The following HRH2 variants were observed in gnomAD, a reference collection of about 807,000 sequenced individuals.
The protein encoded by HRH2 is histamine H2 receptor.
In HRH2, 4 loss-of-function variants were observed where a neutral mutation model predicts 20.1. That is an observed-to-expected ratio of 0.20 (90% confidence interval 0.10 to 0.45). The LOEUF (loss-of-function observed/expected upper bound fraction) is 0.45, where lower values mean the gene tolerates loss of function less well. Ranked by LOEUF, HRH2 falls within the 20% of genes least tolerant of loss-of-function variation. HRH2 has a pLI of 0.99. For missense variants in HRH2, 250 were observed against 461.6 expected, an observed-to-expected ratio of 0.54 and a Z score of 4.20; for synonymous variants, 197 against 200.7, an observed-to-expected ratio of 0.98 and a Z score of 0.16.
At position 175,699,572 on chromosome 5, in the gene HRH2, T is replaced by TTTTTGTTTTG. The variant is rs1554112742; in HGVS notation, c.1077-8204_1077-8203insTGTTTTGTTT. Among the ~76,000 whole-genome samples, 1,086 of 151,266 alleles carry TTTTTGTTTTG rather than the reference T, an allele frequency of 7.2e-3. 8 individuals carry two copies. The highest frequency in any genetic ancestry group is 0.025 in the African/African-American group (1,023 of 40,670). ...GTCCCTCTGCTGTCGGTTGTTTTTG[T>TTTTTGTTTTG]TTTGTTTGTTTGTTTGTTTGAGACA... On this transcript the variant is annotated intron_variant, in intron 2 of 2. Transcript: ENST00000636584.
intron 2 of HRH2, among the ~76,000 whole-genome samples, chr5:175,704,812 TGAA>T (rs1263900035): frequency 6.6e-6 from 1 of 151,888 alleles, no homozygotes; most frequent in Non-Finnish European, 1.5e-5. Flanking sequence ...AATTAGACAT[TGAA>T]GAAGAGCTAA....
At chr5:175,704,875 CTT>C (rs1343989430) in intron 2 of HRH2, among the ~76,000 whole-genome samples, 3 of 151,638 alleles carry the variant, frequency 2.0e-5, no homozygotes, top group African/African-American at 7.3e-5. Flanking sequence ...TCTAGTATGT[CTT>C]TTGTTAGATG....
intron 2 of HRH2, among the ~76,000 whole-genome samples, chr5:175,697,904 A>C (rs1756657524): frequency 6.6e-6 from 1 of 152,102 alleles, no homozygotes; most frequent in Non-Finnish European, 1.5e-5. Flanking sequence ...CCACCTCCCC[A>C]AACACCCCTC....
chr5:175,706,808 G>A (rs756683833), intron 2 of HRH2, among the ~76,000 whole-genome samples: 3 of 152,206 alleles, frequency 2.0e-5, no homozygotes, highest in Admixed American at 6.5e-5. Context: ...GCTTTACAAA[G>A]TCAGGCCTCC....
intron 1 of HRH2, among the ~76,000 whole-genome samples, chr5:175,676,010 G>A (rs377131854): frequency 6.7e-6 from 1 of 150,018 alleles, no homozygotes; most frequent in African/African-American, 2.5e-5. Flanking sequence ...GTACGCACAC[G>A]TGTGTTCTCC....
At position 175,693,570 on chromosome 5, in the gene HRH2, C is replaced by T. The variant is rs635604; in HGVS notation, c.1076+9261C>T. Among the ~76,000 whole-genome samples the T allele has an allele frequency of 0.015, 2,277 of 152,270 alleles. 59 individuals carry two copies. Among genetic ancestry groups the T allele is most frequent in the African/African-American group, 0.052 (2,168 of 41,524 alleles). ...TGGGTGGACTGGCTGTCCCCAGTGC[C>T]CAGAGGATTCAAGGAACTTCTCCTT... On this transcript the variant is annotated intron_variant, in intron 2 of 2. Coordinates refer to ENST00000636584, the MANE Select transcript of HRH2 (RefSeq NM_001367711.1). The surrounding 1 kb of genome is among the most constrained non-coding windows in gnomAD (Gnocchi z 4.4).
chr5:175,688,830 C>CTG (rs147717148), intron 2 of HRH2, among the ~76,000 whole-genome samples: 1 of 152,202 alleles, frequency 6.6e-6, no homozygotes, highest in African/African-American at 2.4e-5. Flanking sequence ...GAGGAGAACC[C>CTG]TGTGTTTCTG....
intron 2 of HRH2, among the ~76,000 whole-genome samples, chr5:175,684,860 G>A (rs1180960509): frequency 2.0e-5 from 3 of 152,208 alleles, no homozygotes; most frequent in Admixed American, 2.0e-4. Flanking sequence ...GAAAGGTGGG[G>A]CCTTGAAGGC....
chr5:175,697,419 C>T (rs1448106181), intron 2 of HRH2, among the ~76,000 whole-genome samples: 2 of 147,700 alleles, frequency 1.4e-5, no homozygotes, highest in South Asian at 2.1e-4. Context: ...GCCGGGATAG[C>T]GCCACTGCAG....
intron 2 of HRH2, among the ~76,000 whole-genome samples, chr5:175,700,001 T>C (rs1244988722): frequency 6.6e-6 from 1 of 152,196 alleles, no homozygotes; most frequent in Non-Finnish European, 1.5e-5. Flanking sequence ...GGACTGTCCC[T>C]GTTGTACAGA....
intron 2 of HRH2, among the ~76,000 whole-genome samples, chr5:175,690,041 G>A (rs1756309927): frequency 1.3e-5 from 2 of 152,248 alleles, no homozygotes; most frequent in South Asian, 4.1e-4. Flanking sequence ...TTAAGGGTCA[G>A]AATGTGTTCA....
chr5:175,669,622 C>T (rs1755446288), intron 1 of HRH2, among the ~76,000 whole-genome samples: 1 of 152,226 alleles, frequency 6.6e-6, no homozygotes, highest in Non-Finnish European at 1.5e-5. Context: ...CCTCGGCCTC[C>T]CGAAGTGCTG....
In HRH2 at chr5:175,684,029, A is replaced by C. The variant is rs1246722877; in HGVS notation, c.796A>C (p.Asn266His). The C allele has an allele frequency of 6.2e-7, 1 of 1,614,038 alleles. No individual in the cohort carries two copies. The highest frequency in any genetic ancestry group is 2.2e-5 in the East Asian group (1 of 44,900). The change falls in exon 2 of 3, where the codon AAT becomes CAT. Residue 266 changes from asparagine (N) to histidine (H), a missense_variant. Physicochemically the swap from Asn to His is moderately conservative, Grantham distance 68 (BLOSUM62 1). Coordinates refer to ENST00000636584, the MANE Select transcript of HRH2 (RefSeq NM_001367711.1). ...YRGLRGDDAI[N>H]EVLEAIVLWL... is the part of the protein sequence containing the mutation. ...TGGGCTGAGAGGGGATGATGCCATC[A>C]ATGAGGTGTTAGAAGCCATCGTTCT...
intron 1 of HRH2, among the ~76,000 whole-genome samples, chr5:175,661,137 A>G (rs1762726646): frequency 6.6e-6 from 1 of 150,560 alleles, no homozygotes; most frequent in Admixed American, 6.7e-5. Flanking sequence ...TCTTGCCTGC[A>G]ATGCCCTCCT....
intron 1 of HRH2, among the ~76,000 whole-genome samples, chr5:175,666,603 A>AT (rs200945262): frequency 0.012 from 1,816 of 151,864 alleles, 19 homozygotes; most frequent in African/African-American, 0.033. Flanking sequence ...AAGTTTTTGT[A>AT]TTTTTTTTGT....
intron 2 of HRH2, among the ~76,000 whole-genome samples, chr5:175,692,642 A>G (rs1581450413): frequency 6.6e-6 from 1 of 152,216 alleles, no homozygotes; most frequent in East Asian, 1.9e-4. Flanking sequence ...GAGCAGCTGG[A>G]AAGTTCAGGG....
chr5:175,684,987 A>C (rs1756119906), intron 2 of HRH2, among the ~76,000 whole-genome samples: 1 of 152,132 alleles, frequency 6.6e-6, no homozygotes, highest in South Asian at 2.1e-4. Context: ...TACCCCTAAG[A>C]TGTGGACCAG....
In HRH2 at chr5:175,685,630, G is replaced by C. The variant is rs1040049567; in HGVS notation, c.1076+1321G>C. 1.7e-5 allele frequency: 12 copies of C among 686,774 alleles called. No homozygotes were observed. The African/African-American group carries it at 2.0e-4, about 11-fold the overall frequency. 42.5% of individuals were successfully genotyped at this position (686,774 alleles called of 1,614,324 possible). A position where few individuals can be genotyped will look rare whatever the true frequency, so the allele number is the denominator to read the frequency against. On this transcript the variant is annotated intron_variant, in intron 2 of 2. Transcript: ENST00000636584. The stretch of plus-strand genomic sequence containing the variant: ...TCTCAGCTCTGCCGTCACTCAACTT[G>C]TATCTTGAGCAAGTTCCTCCCCATC...
Position 175,681,741 on chromosome 5 carries a change from G to T in HRH2, c.-525-968G>T, listed in dbSNP as rs1374728254. ...AATGCCCGTGAGAGGGTGATGTGGG[G>T]ATGATAGGATAAACCTATTCATGGT... On this transcript the variant is annotated intron_variant, in intron 1 of 2. Coordinates refer to ENST00000636584, the MANE Select transcript of HRH2 (RefSeq NM_001367711.1). This position sits in a 1 kb window ranked among gnomAD's most constrained non-coding sequence, Gnocchi z 4.3. Among the ~76,000 whole-genome samples the T allele has an allele frequency of 1.3e-5, 2 of 152,208 alleles. No homozygotes were observed. The highest frequency in any genetic ancestry group is 4.8e-5 in the African/African-American group (2 of 41,454).
Sources: gnomAD v4.1 joint callset for allele counts (sites outside exome capture counted in the v4.1 genomes callset) on GRCh38, gnomAD v4.1.1 for gene constraint, Gnocchi (gnomAD v3.1) non-coding constraint, MANE v1.5 for transcripts, NCBI Gene and HGNC (gene_info 2026-07-23, HGNC 2026-07-21) for gene names.